The following RBPMS variants were observed in gnomAD, a reference collection of about 807,000 sequenced individuals.
RBPMS encodes the protein RNA binding protein, mRNA processing factor, also known as RNA-binding protein with multiple splicing.
In RBPMS, 7 loss-of-function variants were observed where a neutral mutation model predicts 26.8. That is an observed-to-expected ratio of 0.26 (90% CI 0.15 to 0.49). The LOEUF is 0.49. Ranked by LOEUF, RBPMS falls within the 20% of genes least tolerant of loss-of-function variation. RBPMS has a pLI of 0.98. For synonymous variants in RBPMS, 96 were observed against 93.3 expected, an observed-to-expected ratio of 1.03 and a Z score of -0.17; for missense variants, 186 against 250.0, an observed-to-expected ratio of 0.74 and a Z score of 1.73.
chr8:30,485,892 A>C (rs1818717380), intron 4 of RBPMS, among the ~76,000 whole-genome samples: 1 of 152,164 alleles, frequency 6.6e-6, no homozygotes, highest in South Asian at 2.1e-4. Flanking sequence ...AGATGTTATA[A>C]AACCTCCCTA....
chr8:30,458,362 TG>T (rs1453998280), intron 1 of RBPMS, among the ~76,000 whole-genome samples: 2 of 152,206 alleles, frequency 1.3e-5, no homozygotes, highest in Non-Finnish European at 2.9e-5. Context: ...AAATATTCAC[TG>T]ATTTATTCCT....
chr8:30,555,838 C>T (rs1563447449), intron 6 of RBPMS: 2 of 979,976 alleles, frequency 2.0e-6, no homozygotes, highest in Non-Finnish European at 2.4e-6. Context: ...AACAAGCAGC[C>T]CGAATGGGGC....
intron 1 of RBPMS, among the ~76,000 whole-genome samples, chr8:30,430,817 A>G (rs1459327776): frequency 6.6e-6 from 1 of 152,230 alleles, no homozygotes; most frequent in Non-Finnish European, 1.5e-5. Context: ...AATTTAAAAA[A>G]TACCTATGTC....
intron 1 of RBPMS, among the ~76,000 whole-genome samples, chr8:30,461,189 T>A (rs1190607007): frequency 6.6e-6 from 1 of 152,224 alleles, no homozygotes; most frequent in Non-Finnish European, 1.5e-5. Context: ...GATGTTGATA[T>A]AATTATTTAT....
intron 7 of RBPMS, chr8:30,561,919 T>G: frequency 2.0e-6 from 2 of 985,290 alleles, no homozygotes; most frequent in Non-Finnish European, 2.4e-6. Flanking sequence ...GCTCACCTAA[T>G]TTTTTTCCAA....
intron 1 of RBPMS, among the ~76,000 whole-genome samples, chr8:30,474,446 T>C (rs1004975780): frequency 9.2e-5 from 14 of 152,148 alleles, no homozygotes; most frequent in African/African-American, 2.9e-4. Flanking sequence ...TTTAGAAGTG[T>C]GCAATGGCTA....
intron 6 of RBPMS, chr8:30,552,594 AGACT>A (rs1826485444): frequency 6.6e-6 from 1 of 152,224 alleles, no homozygotes; most frequent in Admixed American, 6.5e-5. Flanking sequence ...AAAAATTAAC[AGACT>A]GACAGAATTA....
intron 1 of RBPMS, among the ~76,000 whole-genome samples, chr8:30,431,447 G>T (rs1811926058): frequency 7.5e-6 from 1 of 133,390 alleles, no homozygotes; most frequent in African/African-American, 2.8e-5. Flanking sequence ...CCTCTCTTCT[G>T]TCCTGTCTTC....
rs187914044 is a variant in RBPMS, at chr8:30,528,005, G to A, written c.398-16489G>A. Among the ~76,000 whole-genome samples, 13 of 152,160 alleles carry A rather than the reference G, an allele frequency of 8.5e-5. No homozygotes were observed. The East Asian group carries it at 1.9e-3, about 23-fold the overall frequency. Reference sequence around the variant, plus strand: ...AGCCTGGTCAACATGGTGAAACCCCGTCTCTACTAATATACAAAAATTAGC... The same window carrying A: ...AGCCTGGTCAACATGGTGAAACCCCATCTCTACTAATATACAAAAATTAGC... On this transcript the variant is annotated intron_variant, in intron 5 of 8. Coordinates refer to ENST00000397323, the MANE Select transcript of RBPMS (RefSeq NM_001008710.3).
intron 8 of RBPMS, among the ~76,000 whole-genome samples, chr8:30,567,443 T>C (rs1481850046): frequency 6.6e-6 from 1 of 152,176 alleles, no homozygotes; most frequent in Non-Finnish European, 1.5e-5. Context: ...TCACATCACA[T>C]AGGGCAGCTG....
At chr8:30,436,697 G>A (rs560000495) in intron 1 of RBPMS, among the ~76,000 whole-genome samples, 1 of 152,218 alleles carries the variant, frequency 6.6e-6, no homozygotes, top group South Asian at 2.1e-4. Flanking sequence ...CCAAGTCTAG[G>A]GTATGCAGTG....
At chr8:30,560,695 C>CA (rs1301605435) in intron 7 of RBPMS, among the ~76,000 whole-genome samples, 1 of 152,178 alleles carries the variant, frequency 6.6e-6, no homozygotes, top group African/African-American at 2.4e-5. Context: ...CAAAGATTCT[C>CA]AGAGCCTTTA....
intron 1 of RBPMS, among the ~76,000 whole-genome samples, chr8:30,428,372 C>A (rs1297465801): frequency 2.0e-5 from 3 of 151,982 alleles, no homozygotes; most frequent in African/African-American, 7.3e-5. Flanking sequence ...GGGAGGATCG[C>A]TTGAGCCAAG....
At chr8:30,436,509 T>C (rs762540156) in intron 1 of RBPMS, among the ~76,000 whole-genome samples, 6 of 152,250 alleles carry the variant, frequency 3.9e-5, no homozygotes, top group African/African-American at 1.2e-4. Context: ...ACTAGCCTGA[T>C]TGCTTTTCTC....
intron 5 of RBPMS, among the ~76,000 whole-genome samples, chr8:30,540,498 C>T (rs1422162497): frequency 6.6e-6 from 1 of 152,210 alleles, no homozygotes; most frequent in Non-Finnish European, 1.5e-5. Context: ...TCAGAGCGCA[C>T]TGCAACCTCA....
At chr8:30,447,867 G>A (rs897232121) in intron 1 of RBPMS, among the ~76,000 whole-genome samples, 1 of 152,086 alleles carries the variant, frequency 6.6e-6, no homozygotes, top group Non-Finnish European at 1.5e-5. Context: ...TTAAAACAGT[G>A]TTAATACATA....
chr8:30,469,007 A>G (rs1043771548), intron 1 of RBPMS, among the ~76,000 whole-genome samples: 3 of 152,230 alleles, frequency 2.0e-5, no homozygotes, highest in Non-Finnish European at 4.4e-5. Flanking sequence ...CAGAGCAGCT[A>G]GATAGATGAC....
intron 1 of RBPMS, among the ~76,000 whole-genome samples, chr8:30,447,299 G>A (rs1437036093): frequency 6.6e-6 from 1 of 152,134 alleles, no homozygotes; most frequent in African/African-American, 2.4e-5. Context: ...CAGTTAAAGG[G>A]TACTCAACCT....
intron 1 of RBPMS, among the ~76,000 whole-genome samples, chr8:30,453,036 A>G (rs12156105): frequency 0.66 from 100,957 of 151,972 alleles, 34,180 homozygotes; most frequent in Middle Eastern, 0.8. Flanking sequence ...TCGTGGATTC[A>G]TTGTGGTCTC....
Sources: gnomAD v4.1 joint callset for allele counts (sites outside exome capture counted in the v4.1 genomes callset) on GRCh38, gnomAD v4.1.1 for gene constraint, MANE v1.5 for transcripts, NCBI Gene and HGNC (gene_info 2026-07-23, HGNC 2026-07-21) for gene names.